Variants in SOBP observed in about 807,000 individuals in gnomAD.
SOBP encodes the protein sine oculis binding protein homolog.
SOBP carries 4 observed loss-of-function variants against 53.6 expected under a neutral mutation model. The ratio of observed to expected loss-of-function variants is 0.07; its 90% CI spans 0.04 to 0.17. The LOEUF (loss-of-function observed/expected upper bound fraction) is 0.17. Ranked by LOEUF, SOBP falls within the 10% of genes least tolerant of loss-of-function variation. The pLI, the probability that SOBP is intolerant of heterozygous loss-of-function variation, is 1.00. For missense variants in SOBP, 1,088 were observed against 1,204.7 expected (o/e 0.90, Z 1.43); for synonymous variants, 584 against 522.6 (o/e 1.12, Z -1.60).
At chr6:107,555,102 G>C (rs923500406) in intron 4 of SOBP, among the ~76,000 whole-genome samples, 1 of 151,532 alleles carries the variant, frequency 6.6e-6, no homozygotes, top group Non-Finnish European at 1.5e-5. Flanking sequence ...CCTTCCATCT[G>C]TCTGAAGTAG....
chr6:107,592,490 C>T (rs1236042818), intron 5 of SOBP, among the ~76,000 whole-genome samples: 2 of 152,146 alleles, frequency 1.3e-5, no homozygotes, highest in African/African-American at 2.4e-5. Flanking sequence ...ACCAGAGACC[C>T]TCCCCTTAAT....
At chr6:107,539,473 G>A (rs995562783) in intron 4 of SOBP, among the ~76,000 whole-genome samples, 2 of 152,128 alleles carry the variant, frequency 1.3e-5, no homozygotes, top group African/African-American at 4.8e-5. Flanking sequence ...GTACATCTCT[G>A]GCCATCCTTC....
intron 1 of SOBP, among the ~76,000 whole-genome samples, chr6:107,495,748 T>TAGG (rs2114933843): frequency 6.6e-6 from 1 of 152,354 alleles, no homozygotes; most frequent in East Asian, 1.9e-4. Context: ...GGGAGAGTTC[T>TAGG]AGGAAAAGGT....
chr6:107,653,188 G>C (rs1217305551), intron 6 of SOBP, among the ~76,000 whole-genome samples: 4 of 152,232 alleles, frequency 2.6e-5, no homozygotes, highest in African/African-American at 9.6e-5. Context: ...TGATGGAGGA[G>C]AGAAGGAATC....
At chr6:107,582,479 A>G in intron 4 of SOBP, among the ~76,000 whole-genome samples, 1 of 152,124 alleles carries the variant, frequency 6.6e-6, no homozygotes, top group East Asian at 1.9e-4. Flanking sequence ...CAACATGAAA[A>G]TGGTTACACA....
intron 6 of SOBP, among the ~76,000 whole-genome samples, chr6:107,654,542 G>T (rs1771935459): frequency 6.6e-6 from 1 of 152,224 alleles, no homozygotes; most frequent in Non-Finnish European, 1.5e-5. Flanking sequence ...ACTGGTAACA[G>T]ATTAATATTC....
intron 5 of SOBP, among the ~76,000 whole-genome samples, chr6:107,596,316 AC>A (rs1173835270): frequency 6.6e-6 from 1 of 152,178 alleles, no homozygotes; most frequent in Non-Finnish European, 1.5e-5. Context: ...CATTGTAACA[AC>A]CAATGGTGAT....
chr6:107,548,298 C>T (rs551450584), intron 4 of SOBP, among the ~76,000 whole-genome samples: 1 of 150,686 alleles, frequency 6.6e-6, no homozygotes. Context: ...CTGTTGCCCA[C>T]GCTGGAGTGC....
In SOBP at chr6:107,621,124, A is replaced by C. The variant is rs542016589; in HGVS notation, c.670-12390A>C. ...TGGTGAGTGATATTATGATAGTACT[A>C]TTGAGCCACTTGAATTTATTGGAGG... is the stretch of plus-strand genomic sequence containing the variant. On this transcript the variant is annotated intron_variant, in intron 5 of 6. Transcript: ENST00000317357. 1.3e-5 allele frequency: 11 copies of C among 849,018 alleles called. No individual in the cohort carries two copies. In the African/African-American group the frequency reaches 2.0e-4, roughly 16 times the overall value. 52.6% of individuals were successfully genotyped at this position (849,018 alleles called of 1,614,324 possible).
At position 107,533,447 on chromosome 6, in the gene SOBP, CT is replaced by C. The variant is rs764583859; in HGVS notation, c.422-8del. ...TTCTGATATGAACATTTTTCTTATA[CT>C]TTTATTATAGAAGATGATGTGTCAA... On this transcript the variant is annotated splice_polypyrimidine_tract_variant and intron_variant, in intron 3 of 6. Transcript: ENST00000317357. 1 of 1,613,832 alleles carries C rather than the reference CT, an allele frequency of 6.2e-7. No homozygotes were observed. Among genetic ancestry groups the C allele is most frequent in the Non-Finnish European group, 8.5e-7 (1 of 1,179,890 alleles).
intron 6 of SOBP, among the ~76,000 whole-genome samples, chr6:107,638,208 T>G (rs774561612): frequency 1.4e-4 from 22 of 151,776 alleles, no homozygotes; most frequent in Admixed American, 2.6e-4. Flanking sequence ...TATTTATTTA[T>G]TTAGTTATTT....
chr6:107,607,531 T>C (rs1786430324), intron 5 of SOBP, among the ~76,000 whole-genome samples: 1 of 152,214 alleles, frequency 6.6e-6, no homozygotes, highest in South Asian at 2.1e-4. Context: ...TCCTACTTTT[T>C]CTTACGCATT....
chr6:107,578,568 T>C (rs755798262), intron 4 of SOBP, among the ~76,000 whole-genome samples: 4 of 152,200 alleles, frequency 2.6e-5, no homozygotes, highest in Non-Finnish European at 5.9e-5. Context: ...TCTTCATATA[T>C]AAAATGGAGA....
chr6:107,537,148 A>G (rs973621949), intron 4 of SOBP, among the ~76,000 whole-genome samples: 1 of 152,216 alleles, frequency 6.6e-6, no homozygotes, highest in Non-Finnish European at 1.5e-5. Flanking sequence ...CCAACTTGCT[A>G]ACACCAGTTT....
chr6:107,563,748 G>A (rs1415015325), intron 4 of SOBP, among the ~76,000 whole-genome samples: 1 of 152,078 alleles, frequency 6.6e-6, no homozygotes, highest in Non-Finnish European at 1.5e-5. Context: ...GAAAAGCAGA[G>A]GACACCCTTT....
At chr6:107,562,793 A>G (rs929811725) in intron 4 of SOBP, among the ~76,000 whole-genome samples, 11 of 152,186 alleles carry the variant, frequency 7.2e-5, no homozygotes, top group Non-Finnish European at 1.6e-4. Flanking sequence ...CATCAAAATG[A>G]TGAAAAAATT....
At chr6:107,544,783 C>A (rs1263055963) in intron 4 of SOBP, among the ~76,000 whole-genome samples, 1 of 149,548 alleles carries the variant, frequency 6.7e-6, no homozygotes. Flanking sequence ...GGAATGATAA[C>A]CCCATTTATC....
intron 5 of SOBP, among the ~76,000 whole-genome samples, chr6:107,608,935 G>T (rs943464038): frequency 6.6e-6 from 1 of 152,192 alleles, no homozygotes; most frequent in Non-Finnish European, 1.5e-5. Context: ...AGAAACAAGA[G>T]ACTTTTGATC....
chr6:107,617,377 GAA>G (rs750320235), intron 5 of SOBP, among the ~76,000 whole-genome samples: 8 of 152,102 alleles, frequency 5.3e-5, no homozygotes, highest in Non-Finnish European at 1.2e-4. Context: ...TGAGTGTGCT[GAA>G]AAAAGTGGAA....
Sources: gnomAD v4.1 joint callset for allele counts (sites outside exome capture counted in the v4.1 genomes callset) on GRCh38, gnomAD v4.1.1 for gene constraint, MANE v1.5 for transcripts, NCBI Gene and HGNC (gene_info 2026-07-23, HGNC 2026-07-21) for gene names.